The following ANKRD31 variants were observed in gnomAD, a reference collection of about 807,000 sequenced individuals.
ANKRD31 encodes ankyrin repeat domain 31.
ANKRD31 carries 147 observed loss-of-function variants against 186.0 expected under a neutral mutation model. The ratio of observed to expected loss-of-function variants is 0.79; its 90% confidence interval spans 0.69 to 0.91. ANKRD31 has a LOEUF of 0.91. ANKRD31 is among the 40% of genes least tolerant of loss of function. The pLI is 0.00. For missense variants in ANKRD31, 1,986 were observed against 2,148.8 expected (o/e 0.92, Z 1.50); for synonymous variants, 673 against 736.4 (o/e 0.91, Z 1.39).
chr5:75,082,756 G>A (rs1355563759), intron 24 of ANKRD31, among the ~76,000 whole-genome samples: 1 of 152,146 alleles, frequency 6.6e-6, no homozygotes, highest in African/African-American at 2.4e-5. Context: ...AGTAAGTACA[G>A]CATAGATTCA....
chr5:75,116,826 T>C (rs556115587), intron 18 of ANKRD31, 145 bp from the exon 19 acceptor site: 13 of 434,918 alleles, frequency 3.0e-5, no homozygotes, highest in Admixed American at 8.5e-5. Context: ...TCGTCATTAA[T>C]TGGCTACTTA....
At chr5:75,138,783 T>C in intron 16 of ANKRD31, 63 bp downstream of exon 16, 3 of 1,466,930 alleles carry the variant, frequency 2.0e-6, no homozygotes, top group Non-Finnish European at 2.7e-6. Context: ...GGGCAGGAGG[T>C]GTTGAAATGT....
At chr5:75,191,044 A>T (rs1310067536) in intron 9 of ANKRD31, among the ~76,000 whole-genome samples, 1 of 152,114 alleles carries the variant, frequency 6.6e-6, no homozygotes, top group African/African-American at 2.4e-5. Flanking sequence ...GTATGTAGTT[A>T]ATTTTATGAT....
chr5:75,137,950 A>G lies in ANKRD31; in HGVS notation c.3782T>C (p.Ile1261Thr). 2 of 1,532,192 alleles carry G rather than the reference A, an allele frequency of 1.3e-6. No homozygotes were observed. Among genetic ancestry groups the G allele is most frequent in the Non-Finnish European group, 1.7e-6 (2 of 1,144,718 alleles). The allele number at this position is 1,532,192 out of a possible 1,614,324, so 94.9% of individuals were successfully genotyped here. A position where few individuals can be genotyped will look rare whatever the true frequency, so the allele number is the denominator to read the frequency against. Reference protein sequence around the residue: ...EASNEGSIDIIVELLKAGAKV... With the variant: ...EASNEGSIDITVELLKAGAKV... ...AGCACCAGCTTTTAATAACTCTACA[A>G]TTATATCAATAGATCCTTCATTAGA... The change falls in exon 17 of 26, where the codon ATT becomes ACT. Residue 1261 changes from isoleucine to threonine, a missense_variant. Transcript: ENST00000506364.
At position 75,204,819 on chromosome 5, in the gene ANKRD31, G is replaced by A. The variant is rs75568853; in HGVS notation, c.403+1592C>T. On this transcript the variant is annotated intron_variant, in intron 5 of 25. Transcript: ENST00000506364. ...ACAGTGATAAACAAAAATATCCTAT[G>A]TTTTATAAATAGACATGTATTTAAT... Among the ~76,000 whole-genome samples, 1,274 of 152,248 alleles carry A rather than the reference G, an allele frequency of 8.4e-3. 30 individuals are homozygous for A. Among genetic ancestry groups the A allele is most frequent in the African/African-American group, 0.029 (1,184 of 41,530 alleles).
At chr5:75,082,441 A>G (rs1263248271) in intron 24 of ANKRD31, among the ~76,000 whole-genome samples, 1 of 152,126 alleles carries the variant, frequency 6.6e-6, no homozygotes, top group Non-Finnish European at 1.5e-5. Context: ...GACACTAGGA[A>G]AAAAAAGAGG....
At chr5:75,154,490 A>G (rs967420629) in intron 11 of ANKRD31, 145 bp from the exon 12 acceptor site, 148 of 755,762 alleles carry the variant, frequency 2.0e-4, no homozygotes, top group Non-Finnish European at 2.5e-4. Context: ...CCAATAAAAA[A>G]AGAATTAATG....
At chr5:75,222,188 A>G (rs1395642333) in intron 3 of ANKRD31, 61 bp downstream of exon 3, 2 of 1,216,774 alleles carry the variant, frequency 1.6e-6, no homozygotes, top group East Asian at 5.6e-5. Context: ...GTAATTTGCC[A>G]CTCTGAGCGA....
At chr5:75,163,203 C>T (rs2150177234) in intron 11 of ANKRD31, among the ~76,000 whole-genome samples, 1 of 152,246 alleles carries the variant, frequency 6.6e-6, no homozygotes, top group South Asian at 2.1e-4. Context: ...ATGCTTGGGA[C>T]CAGCAGTATT....
At chr5:75,089,672 T>C (rs1295636258) in intron 23 of ANKRD31, among the ~76,000 whole-genome samples, 1 of 152,220 alleles carries the variant, frequency 6.6e-6, no homozygotes, top group Non-Finnish European at 1.5e-5. Flanking sequence ...CCCATAGTAA[T>C]TTTTAAAACT....
chr5:75,187,029 G>C (rs1754767441), intron 10 of ANKRD31, among the ~76,000 whole-genome samples: 1 of 137,580 alleles, frequency 7.3e-6, no homozygotes, highest in Non-Finnish European at 1.6e-5. Context: ...CAGAGTGTGT[G>C]TGTGTGTGTG....
At chr5:75,102,802 G>A (rs751084680) in intron 22 of ANKRD31, among the ~76,000 whole-genome samples, 6 of 152,164 alleles carry the variant, frequency 3.9e-5, no homozygotes, top group Admixed American at 6.6e-5. Context: ...TAGGGTGGGA[G>A]TGTCCCGATT....
At chr5:75,150,279 A>G (rs1751753682) in intron 12 of ANKRD31, among the ~76,000 whole-genome samples, 1 of 151,908 alleles carries the variant, frequency 6.6e-6, no homozygotes, top group Non-Finnish European at 1.5e-5. Flanking sequence ...GATATATTTT[A>G]CTTTAAGCTA....
intron 18 of ANKRD31, among the ~76,000 whole-genome samples, 155 bp from the exon 19 acceptor site, chr5:75,116,836 A>G (rs1748325083): frequency 6.6e-6 from 1 of 152,198 alleles, no homozygotes; most frequent in South Asian, 2.1e-4. Context: ...TTGGCTACTT[A>G]TGGCTAGCAT....
chr5:75,156,221 A>G (rs1037034307), intron 11 of ANKRD31, among the ~76,000 whole-genome samples: 5 of 152,072 alleles, frequency 3.3e-5, no homozygotes, highest in Non-Finnish European at 7.4e-5. Flanking sequence ...CCAGGCTTTT[A>G]AAGAAGATAT....
intron 4 of ANKRD31, among the ~76,000 whole-genome samples, chr5:75,206,721 T>C (rs1412598657): frequency 1.3e-5 from 2 of 152,084 alleles, no homozygotes; most frequent in Admixed American, 1.3e-4. Flanking sequence ...CTGAGGAGTG[T>C]ATACAAGCTA....
intron 2 of ANKRD31, among the ~76,000 whole-genome samples, chr5:75,227,757 C>T (rs946696975): frequency 8.5e-5 from 13 of 152,274 alleles, no homozygotes; most frequent in Non-Finnish European, 1.8e-4. Flanking sequence ...GGACCAGTAC[C>T]CATCCGTGGC....
intron 22 of ANKRD31, among the ~76,000 whole-genome samples, chr5:75,098,731 T>C (rs1746546696): frequency 1.3e-5 from 2 of 152,218 alleles, no homozygotes; most frequent in Non-Finnish European, 2.9e-5. Flanking sequence ...GGCTCTCTGT[T>C]TGTCTGTTGT....
At chr5:75,142,718 A>G (rs1334718922) in intron 15 of ANKRD31, among the ~76,000 whole-genome samples, 1 of 152,114 alleles carries the variant, frequency 6.6e-6, no homozygotes, top group Non-Finnish European at 1.5e-5. Context: ...ATGTGGCAGA[A>G]CTTGGGCATA....
Sources: allele counts gnomAD v4.1 joint callset (sites outside exome capture counted in the v4.1 genomes callset), GRCh38; gene constraint gnomAD v4.1.1; transcripts MANE v1.5; gene names NCBI Gene and HGNC (gene_info 2026-07-23, HGNC 2026-07-21).